PTPRS: variants seen among roughly 807,000 people sequenced by gnomAD.
The protein encoded by PTPRS is receptor-type tyrosine-protein phosphatase S.
PTPRS carries 63 observed loss-of-function variants against 215.3 expected under a neutral mutation model. The observed-to-expected ratio is 0.29, with a 90% confidence interval of 0.24 to 0.36. PTPRS has a LOEUF of 0.36. PTPRS is among the 10% of genes least tolerant of loss of function. The pLI, the probability that PTPRS is intolerant of heterozygous loss-of-function variation, is 1.00. For missense variants in PTPRS, 2,258 were observed against 2,825.8 expected, an observed-to-expected ratio of 0.80 and a Z score of 4.56; for synonymous variants, 1,404 against 1,191.4, an observed-to-expected ratio of 1.18 and a Z score of -3.68.
At chr19:5,296,203 C>A (rs561864279) in intron 1 of PTPRS, among the ~76,000 whole-genome samples, 1 of 152,272 alleles carries the variant, frequency 6.6e-6, no homozygotes, top group African/African-American at 2.4e-5. Flanking sequence ...CAAAAGAAAT[C>A]AAATCCACTG....
chr19:5,284,996 C>A (rs992954537), intron 2 of PTPRS, among the ~76,000 whole-genome samples: 2 of 152,016 alleles, frequency 1.3e-5, no homozygotes, highest in Non-Finnish European at 2.9e-5. Context: ...TAAGAAAAAG[C>A]GCAAATGAAT....
intron 17 of PTPRS, among the ~76,000 whole-genome samples, chr19:5,224,956 C>T (rs1055227660): frequency 4.6e-5 from 7 of 152,138 alleles, no homozygotes; most frequent in East Asian, 3.9e-4. Context: ...AGAAGTCAGT[C>T]GATTGTTCCT....
intron 10 of PTPRS, 94 bp downstream of exon 10, chr19:5,245,682 G>C (rs1007431824): frequency 3.4e-6 from 5 of 1,470,320 alleles, no homozygotes; most frequent in Non-Finnish European, 4.5e-6. Context: ...AGGGTAACTC[G>C]GAGGTGCTCC....
At chr19:5,236,021 T>C (rs1317458282) in intron 13 of PTPRS, among the ~76,000 whole-genome samples, 2 of 152,224 alleles carry the variant, frequency 1.3e-5, no homozygotes, top group African/African-American at 2.4e-5. Flanking sequence ...TATCATCTCA[T>C]TTAATGCATG....
chr19:5,302,049 T>C (rs1374890958), intron 1 of PTPRS, among the ~76,000 whole-genome samples: 1 of 151,928 alleles, frequency 6.6e-6, no homozygotes, highest in African/African-American at 2.4e-5. Context: ...TCCGAAGTGC[T>C]AGGATTACAG....
Position 5,212,317 on chromosome 19 carries a change from G to A in PTPRS, c.4769+20C>T. 1.9e-6 allele frequency: 3 copies of A among 1,612,894 alleles called. No individual in the cohort carries two copies. Among genetic ancestry groups the A allele is most frequent in the Non-Finnish European group, 2.5e-6 (3 of 1,179,334 alleles). On this transcript the variant is annotated intron_variant, in intron 31 of 37. Coordinates refer to ENST00000262963, the MANE Select transcript of PTPRS (RefSeq NM_002850.4). Reference sequence around the variant, plus strand: ...CGGGGACCGGGGGGAAGCGGATGGGGCAGAGTGGGGTGGACGTACCTGCAG... The same window carrying A: ...CGGGGACCGGGGGGAAGCGGATGGGACAGAGTGGGGTGGACGTACCTGCAG...
chr19:5,250,344 T>C (rs1043783573), intron 9 of PTPRS, among the ~76,000 whole-genome samples: 1 of 151,964 alleles, frequency 6.6e-6, no homozygotes, highest in Non-Finnish European at 1.5e-5. Context: ...CAAGGGCGGG[T>C]GACTGACGCT....
intron 7 of PTPRS, among the ~76,000 whole-genome samples, chr19:5,259,624 G>GT (rs1290968128): frequency 1.3e-5 from 2 of 152,154 alleles, no homozygotes; most frequent in Non-Finnish European, 2.9e-5. Flanking sequence ...ACATATCTAA[G>GT]TATGTTTGAA....
chr19:5,212,416 G>A lies in PTPRS; in HGVS notation c.4690C>T (p.Pro1564Ser). The A allele has an allele frequency of 6.2e-7, 1 of 1,604,400 alleles. No individual in the cohort carries two copies. Among genetic ancestry groups the A allele is most frequent in the Non-Finnish European group, 8.5e-7 (1 of 1,175,488 alleles). ...AWPDHGVPEY[P>S]TPFLAFLRRV... ...CGCAGGAAAGCCAGGAAGGGCGTTG[G>A]GTATTCGGGCACGCCATGGTCCGGC... Residue 1564 changes from proline to serine, a missense_variant, in exon 31 of 38, where the codon CCA becomes TCA. Pro to Ser is a moderately conservative substitution (Grantham distance 74). Transcript: ENST00000262963.
chr19:5,271,450 T>C (rs939038232), intron 4 of PTPRS, among the ~76,000 whole-genome samples: 1 of 148,144 alleles, frequency 6.8e-6, no homozygotes, highest in African/African-American at 2.5e-5. Context: ...CAGACTGGAG[T>C]GCGATGGCGT....
chr19:5,217,160 T>C (rs1379469678), intron 25 of PTPRS, among the ~76,000 whole-genome samples: 1 of 152,206 alleles, frequency 6.6e-6, no homozygotes, highest in Non-Finnish European at 1.5e-5. Context: ...TATGGGCCCA[T>C]GCCATGAGCT....
chr19:5,242,387 A>T (rs1467440401), intron 11 of PTPRS, among the ~76,000 whole-genome samples: 2 of 151,584 alleles, frequency 1.3e-5, no homozygotes, highest in Non-Finnish European at 2.9e-5. Context: ...GTCCAATTTT[A>T]TTTTTTTTGA....
At chr19:5,252,005 T>A (rs1299693942) in intron 9 of PTPRS, among the ~76,000 whole-genome samples, 1 of 141,812 alleles carries the variant, frequency 7.1e-6, no homozygotes, top group Non-Finnish European at 1.5e-5. Flanking sequence ...ACACCTGGGG[T>A]CACATCCATC....
chr19:5,256,076 A>T (rs2045534789), intron 9 of PTPRS, 32 bp downstream of exon 9: 1 of 1,502,994 alleles, frequency 6.7e-7, no homozygotes, highest in Non-Finnish European at 9.2e-7. Context: ...AAATGTGGGT[A>T]AAGAAAGTAA....
In PTPRS at chr19:5,287,626, C is replaced by T. The variant is rs1267025367; in HGVS notation, c.-94-1392G>A. Among the ~76,000 whole-genome samples the T allele has an allele frequency of 1.3e-5, 2 of 152,144 alleles. No individual in the cohort carries two copies. Among genetic ancestry groups the T allele is most frequent in the African/African-American group, 2.4e-5 (1 of 41,442 alleles). On this transcript the variant is annotated intron_variant, in intron 1 of 37. Coordinates refer to ENST00000262963, the MANE Select transcript of PTPRS (RefSeq NM_002850.4). The surrounding 1 kb of genome is among the most constrained non-coding windows in gnomAD (Gnocchi z 4.8). ...CACAGGAACTGGTGGCGCATAATAACGGGGCAGCCCCTGTGATTCTGACTC... is the reference window on the plus strand; with the variant it reads ...CACAGGAACTGGTGGCGCATAATAATGGGGCAGCCCCTGTGATTCTGACTC...
chr19:5,233,533 T>A (rs1330133147), intron 13 of PTPRS, among the ~76,000 whole-genome samples: 1 of 151,220 alleles, frequency 6.6e-6, no homozygotes, highest in East Asian at 1.9e-4. Flanking sequence ...GAGCATCTAT[T>A]TACTGAATAT....
At chr19:5,218,120 G>A (rs1365284331) in intron 25 of PTPRS, among the ~76,000 whole-genome samples, 1 of 151,762 alleles carries the variant, frequency 6.6e-6, no homozygotes, top group Non-Finnish European at 1.5e-5. Context: ...GAAATGAGGG[G>A]TTTATTTGTG....
chr19:5,225,935 A>G (rs1257421611), intron 16 of PTPRS, 91 bp from the exon 17 acceptor site: 1 of 1,056,252 alleles, frequency 9.5e-7, no homozygotes, highest in Non-Finnish European at 1.5e-6. Flanking sequence ...AGCAAGGAGG[A>G]TGCAGGGCCC....
intron 1 of PTPRS, among the ~76,000 whole-genome samples, chr19:5,336,707 G>A (rs774629962): frequency 1.3e-5 from 2 of 151,344 alleles, no homozygotes; most frequent in African/African-American, 2.4e-5. Flanking sequence ...CGAATCCTGC[G>A]AGGAACAGCA....
Sources: allele counts gnomAD v4.1 joint callset (sites outside exome capture counted in the v4.1 genomes callset), GRCh38; gene constraint gnomAD v4.1.1; non-coding constraint Gnocchi (gnomAD v3.1); transcripts MANE v1.5; gene names NCBI Gene and HGNC (gene_info 2026-07-23, HGNC 2026-07-21).